The following MTUS2 variants were observed in gnomAD, a reference collection of about 807,000 sequenced individuals.
MTUS2 encodes the protein microtubule-associated tumor suppressor candidate 2.
Under a neutral mutation model 114.1 loss-of-function variants are expected in MTUS2, and 40 were observed. The observed-to-expected ratio is 0.35, with a 90% CI of 0.27 to 0.46. MTUS2 has a LOEUF of 0.46. Among genes scored for constraint, MTUS2 ranks in the 20% least tolerant of loss-of-function variants. The pLI is 1.00. For synonymous variants in MTUS2, 688 were observed against 672.0 expected (o/e 1.02, Z -0.37); for missense variants, 1,679 against 1,705.4 (o/e 0.98, Z 0.27).
At chr13:28,821,909 T>C (rs1873929021) in intron 1 of MTUS2, among the ~76,000 whole-genome samples, 2 of 152,362 alleles carry the variant, frequency 1.3e-5, no homozygotes, top group South Asian at 4.1e-4. Context: ...TTGATTTTCC[T>C]GCGAAGAGTA....
At chr13:29,424,364 CAAAG>C (rs145372779) in intron 8 of MTUS2, among the ~76,000 whole-genome samples, 31,720 of 151,886 alleles carry the variant, frequency 0.21, 3,678 homozygotes, top group East Asian at 0.5. Flanking sequence ...AAATGTATAT[CAAAG>C]AAGTCACCCC....
intron 2 of MTUS2, among the ~76,000 whole-genome samples, chr13:28,849,449 C>G (rs1876106089): frequency 1.3e-5 from 2 of 152,152 alleles, no homozygotes; most frequent in Admixed American, 6.5e-5. Flanking sequence ...GGAATATGCT[C>G]TAAGCAAACA....
At chr13:28,974,752 TAGTA>T (rs1213130167) in intron 2 of MTUS2, among the ~76,000 whole-genome samples, 4 of 152,308 alleles carry the variant, frequency 2.6e-5, no homozygotes, top group South Asian at 2.1e-4. Flanking sequence ...TCGGGGCTAA[TAGTA>T]AGAGGAAATT....
intron 9 of MTUS2, among the ~76,000 whole-genome samples, chr13:29,447,125 A>AT (rs577600208): frequency 7.7e-4 from 117 of 152,296 alleles, no homozygotes; most frequent in Middle Eastern, 6.8e-3. Flanking sequence ...AAAATAAAAA[A>AT]AAATCAGAAA....
intron 9 of MTUS2, among the ~76,000 whole-genome samples, chr13:29,447,573 A>G (rs1878373394): frequency 6.8e-6 from 1 of 147,710 alleles, no homozygotes. Flanking sequence ...ACCTGGCTCT[A>G]GGTGGTTGGC....
chr13:28,934,308 G>A (rs1314524557), intron 2 of MTUS2, among the ~76,000 whole-genome samples: 1 of 151,974 alleles, frequency 6.6e-6, no homozygotes, highest in Non-Finnish European at 1.5e-5. Flanking sequence ...TTGTGTGTTT[G>A]TTATTCTTAT....
At chr13:28,902,196 T>C (rs1398346590) in intron 2 of MTUS2, among the ~76,000 whole-genome samples, 1 of 152,222 alleles carries the variant, frequency 6.6e-6, no homozygotes, top group Non-Finnish European at 1.5e-5. Flanking sequence ...GTGAATTTGC[T>C]GAACTTATTA....
At chr13:29,047,670 C>T (rs1363282114) in intron 4 of MTUS2, among the ~76,000 whole-genome samples, 5 of 152,044 alleles carry the variant, frequency 3.3e-5, no homozygotes, top group Admixed American at 2.0e-4. Flanking sequence ...CCCGCCACCT[C>T]GCCCGGCTAA....
intron 1 of MTUS2, among the ~76,000 whole-genome samples, chr13:28,828,626 C>T (rs541001777): frequency 7.9e-5 from 12 of 152,096 alleles, no homozygotes; most frequent in Non-Finnish European, 8.8e-5. Flanking sequence ...TCCCTCCGTT[C>T]GGGGTCCCTG....
At chr13:28,943,634 C>A (rs1238729254) in intron 2 of MTUS2, among the ~76,000 whole-genome samples, 3 of 152,090 alleles carry the variant, frequency 2.0e-5, no homozygotes, top group Non-Finnish European at 4.4e-5. Context: ...TTGAGCTGCT[C>A]AGAAAGAGGA....
intron 8 of MTUS2, among the ~76,000 whole-genome samples, chr13:29,410,265 C>T (rs1301956987): frequency 6.6e-6 from 1 of 152,050 alleles, no homozygotes; most frequent in African/African-American, 2.4e-5. Flanking sequence ...GCTGGGATTA[C>T]AGGTGCCCGC....
chr13:29,395,029 A>T (rs946024654), intron 8 of MTUS2, among the ~76,000 whole-genome samples: 1 of 152,170 alleles, frequency 6.6e-6, no homozygotes, highest in Non-Finnish European at 1.5e-5. Context: ...CCCACAAGAG[A>T]CAGCTTTGCA....
intron 5 of MTUS2, among the ~76,000 whole-genome samples, chr13:29,175,301 G>A (rs964299494): frequency 9.9e-5 from 15 of 152,022 alleles, no homozygotes; most frequent in African/African-American, 2.7e-4. Context: ...AAATATTTAT[G>A]GGTCATTATA....
intron 5 of MTUS2, among the ~76,000 whole-genome samples, chr13:29,142,357 G>T (rs1441341337): frequency 6.6e-6 from 1 of 152,078 alleles, no homozygotes; most frequent in East Asian, 1.9e-4. Flanking sequence ...AAATTCCTGG[G>T]TAATGCTGAT....
intron 4 of MTUS2, among the ~76,000 whole-genome samples, chr13:29,088,301 T>C (rs1889789508): frequency 6.6e-6 from 1 of 152,188 alleles, no homozygotes; most frequent in South Asian, 2.1e-4. Flanking sequence ...ATCTTCTTGG[T>C]ATTGATTTCT....
At chr13:29,423,574 A>C (rs193092000) in intron 8 of MTUS2, among the ~76,000 whole-genome samples, 1 of 152,370 alleles carries the variant, frequency 6.6e-6, no homozygotes, top group East Asian at 1.9e-4. Context: ...GCAATGGACT[A>C]AAACATATTG....
chr13:28,904,465 T>C (rs1274961346), intron 2 of MTUS2, among the ~76,000 whole-genome samples: 4 of 152,234 alleles, frequency 2.6e-5, no homozygotes, highest in Non-Finnish European at 4.4e-5. Context: ...TTCAGCTTTC[T>C]ACATATGGCT....
chr13:29,317,911 C>A (rs962645271), intron 6 of MTUS2, among the ~76,000 whole-genome samples: 2 of 152,162 alleles, frequency 1.3e-5, no homozygotes, highest in African/African-American at 4.8e-5. Context: ...TTACATCATT[C>A]ATGTTTTCTG....
In MTUS2 at chr13:29,389,395, GTATA is replaced by G. The variant is rs10538352; in HGVS notation, c.3117+29926_3117+29929del. ...TGTGTATATATGTATACACGTGTGT[GTATA>G]TATGTATACACGTGTGTGTGTATGT... On this transcript the variant is annotated intron_variant, in intron 8 of 15. Transcript: ENST00000612955. Among the ~76,000 whole-genome samples, 505 of 71,386 alleles carry G rather than the reference GTATA, an allele frequency of 7.1e-3. 71 individuals are homozygous for G. Among genetic ancestry groups the G allele is most frequent in the African/African-American group, 0.031 (401 of 13,060 alleles). 46.8% of individuals were successfully genotyped at this position (71,386 alleles called of 152,430 possible). A position where few individuals can be genotyped will look rare whatever the true frequency, so the allele number is the denominator to read the frequency against.
Sources: gnomAD v4.1 joint callset for allele counts (sites outside exome capture counted in the v4.1 genomes callset) on GRCh38, gnomAD v4.1.1 for gene constraint, MANE v1.5 for transcripts, NCBI Gene and HGNC (gene_info 2026-07-23, HGNC 2026-07-21) for gene names.